TMEM255A: variants seen among roughly 807,000 people sequenced by gnomAD.
The protein encoded by TMEM255A is transmembrane protein 255A.
A neutral mutation model predicts 23.5 loss-of-function variants in TMEM255A; 14 were observed. The ratio of observed to expected loss-of-function variants is 0.60; its 90% CI spans 0.39 to 0.93. The LOEUF (loss-of-function observed/expected upper bound fraction) is 0.93, where lower values mean the gene tolerates loss of function less well. TMEM255A is among the 40% of genes least tolerant of loss of function. The probability of loss-of-function intolerance (pLI) is 0.00; values close to 1 mark genes in which losing one functional copy is unlikely to be tolerated. For synonymous variants in TMEM255A, 104 were observed against 100.3 expected (o/e 1.04, Z -0.22); for missense variants, 233 against 261.7 (o/e 0.89, Z 0.76).
At chrX:120,268,747 T>C (rs2057734018) in intron 7 of TMEM255A, among the ~76,000 whole-genome samples, 1 of 112,079 alleles carries the variant, frequency 8.9e-6, no homozygotes, top group Non-Finnish European at 1.9e-5. Context: ...CTTTCTACTA[T>C]ATATGTCAAA....
intron 1 of TMEM255A, among the ~76,000 whole-genome samples, chrX:120,307,219 C>T (rs1303170858): frequency 1.8e-5 from 2 of 112,345 alleles, no homozygotes; most frequent in East Asian, 5.6e-4. Flanking sequence ...ATAAAATTCA[C>T]ATCTACTTAG....
chrX:120,264,937 G>C (rs1381395800), intron 8 of TMEM255A, among the ~76,000 whole-genome samples: 1 of 106,810 alleles, frequency 9.4e-6, no homozygotes, highest in East Asian at 2.9e-4. Context: ...GAGTGCAATG[G>C]CGTGATCTCG....
At chrX:120,254,639 T>C (rs2057625270), downstream of TMEM255A, 3 of 1,211,911 alleles carry the variant, frequency 2.5e-6, no homozygotes, top group African/African-American at 1.7e-5. Flanking sequence ...GATCAAAACA[T>C]CTAATGGAGG....
intron 2 of TMEM255A, among the ~76,000 whole-genome samples, chrX:120,298,435 T>G (rs1033438236): frequency 9.0e-6 from 1 of 111,326 alleles, no homozygotes; most frequent in African/African-American, 3.3e-5. Context: ...TGTTTTTTTT[T>G]CTTGAATGTA....
intron 8 of TMEM255A, 102 bp downstream of exon 8, chrX:120,268,142 T>A: frequency 5.2e-6 from 5 of 956,246 alleles, no homozygotes; most frequent in South Asian, 2.8e-5. Flanking sequence ...CTCATACATA[T>A]GCAGACAATG....
intron 7 of TMEM255A, among the ~76,000 whole-genome samples, chrX:120,273,688 AG>A (rs1556019217): frequency 8.9e-6 from 1 of 112,559 alleles, no homozygotes; most frequent in Non-Finnish European, 1.9e-5. Flanking sequence ...ACTGGTCAGC[AG>A]GGAAGTACAA....
In TMEM255A at chrX:120,291,299, C is replaced by T. The variant is rs782414647; in HGVS notation, c.306G>A (p.Ala102=). Residue 102 remains alanine (A), a synonymous_variant, in exon 4 of 9, where the codon GCG becomes GCA. Transcript: ENST00000371369. ...SIVFISFGVI[A]AFCCAIVDGV... The stretch of plus-strand genomic sequence containing the variant: ...CGTCAACTATGGCACAACAAAAAGC[C>T]GCAATCACACCAAAGCTGATAAACA... 3.6e-5 allele frequency: 43 copies of T among 1,207,261 alleles called. No individual in the cohort carries two copies. Among genetic ancestry groups the T allele is most frequent in the South Asian group, 2.8e-4 (16 of 56,323 alleles).
At chrX:120,267,052 C>CA (rs1247129847) in intron 8 of TMEM255A, among the ~76,000 whole-genome samples, 2 of 111,846 alleles carry the variant, frequency 1.8e-5, no homozygotes, top group Non-Finnish European at 3.8e-5. Flanking sequence ...TGATTTTTCA[C>CA]AAAAAAATTT....
At chrX:120,287,095 TCAGGCA>T in intron 5 of TMEM255A, 53 bp downstream of exon 5, 1 of 1,005,408 alleles carries the variant, frequency 9.9e-7, no homozygotes, top group Non-Finnish European at 1.4e-6. Flanking sequence ...AAAGGGTGTT[TCAGGCA>T]GAACAGGGGA....
intron 7 of TMEM255A, among the ~76,000 whole-genome samples, chrX:120,269,203 C>A (rs1194974021): frequency 9.0e-6 from 1 of 110,761 alleles, no homozygotes; most frequent in Admixed American, 9.6e-5. Context: ...TGTGTGTAGC[C>A]CTTCAAGGGT....
intron 6 of TMEM255A, among the ~76,000 whole-genome samples, chrX:120,280,867 G>T (rs912861670): frequency 9.2e-6 from 1 of 108,568 alleles, no homozygotes; most frequent in African/African-American, 3.4e-5. Context: ...CTGCATTGAA[G>T]GTATTGCTTT....
At chrX:120,301,680 T>G (rs1312407086) in intron 2 of TMEM255A, among the ~76,000 whole-genome samples, 1 of 110,105 alleles carries the variant, frequency 9.1e-6, no homozygotes, top group East Asian at 2.9e-4. Context: ...CCAGGGCCCA[T>G]GCAGACCAAC....
chrX:120,268,230 C>T lies in TMEM255A; in HGVS notation c.819+14G>A. On this transcript the variant is annotated intron_variant, in intron 8 of 8. Transcript: ENST00000371369. Reference sequence around the variant, plus strand: ...CAAGGGTAATACAGAGTTCTTTTTTCTCCCAAAACATACCTGAAAGTCATA... The same window carrying T: ...CAAGGGTAATACAGAGTTCTTTTTTTTCCCAAAACATACCTGAAAGTCATA... The T allele has an allele frequency of 8.3e-7, 1 of 1,198,909 alleles. No homozygotes were observed. The highest frequency in any genetic ancestry group is 2.3e-5 in the Admixed American group (1 of 43,353).
At chrX:120,255,625 C>CT, downstream of TMEM255A, 3 of 422,771 alleles carry the variant, frequency 7.1e-6, no homozygotes, top group Admixed American at 1.4e-4. Context: ...GTGAGACCCC[C>CT]TCCCCAAGTA....
At chrX:120,304,274 G>A (rs1470598201) in intron 2 of TMEM255A, 75 bp downstream of exon 2, 1 of 1,041,697 alleles carries the variant, frequency 9.6e-7, no homozygotes, top group East Asian at 3.1e-5. Flanking sequence ...AAACAGAATT[G>A]AAAACTATCA....
downstream of TMEM255A, chrX:120,254,064 G>A: frequency 2.5e-6 from 3 of 1,211,192 alleles, no homozygotes; most frequent in Non-Finnish European, 3.4e-6. Flanking sequence ...AGTGGCACAG[G>A]TCCAATCTAA....
At chrX:120,289,211 G>A (rs1033575031) in intron 4 of TMEM255A, among the ~76,000 whole-genome samples, 1 of 111,818 alleles carries the variant, frequency 8.9e-6, no homozygotes, top group South Asian at 3.7e-4. Context: ...ACTAGCCAAT[G>A]TCTTAGGGCA....
chrX:120,300,967 C>T (rs2058030567), intron 2 of TMEM255A, among the ~76,000 whole-genome samples: 2 of 110,820 alleles, frequency 1.8e-5, no homozygotes, highest in African/African-American at 3.3e-5. Flanking sequence ...AGCTATCCTC[C>T]CACCTCAGCC....
At chrX:120,269,492 A>G in intron 7 of TMEM255A, among the ~76,000 whole-genome samples, 1 of 112,034 alleles carries the variant, frequency 8.9e-6, no homozygotes, top group Non-Finnish European at 1.9e-5. Context: ...AGTGATGAAA[A>G]TGTGTAGGCA....
Sources: gnomAD v4.1 joint callset for allele counts (sites outside exome capture counted in the v4.1 genomes callset) on GRCh38, gnomAD v4.1.1 for gene constraint, MANE v1.5 for transcripts, NCBI Gene and HGNC (gene_info 2026-07-23, HGNC 2026-07-21) for gene names.